The following NELL1 variants were observed in gnomAD, a reference collection of about 807,000 sequenced individuals.
The protein encoded by NELL1 is neural EGFL like 1.
NELL1 carries 76 observed loss-of-function variants against 107.4 expected under a neutral mutation model. The observed-to-expected ratio is 0.71, with a 90% CI of 0.59 to 0.86. The LOEUF is 0.86. Ranked by LOEUF, NELL1 falls within the 40% of genes least tolerant of loss-of-function variation. The pLI is 0.00. For synonymous variants in NELL1, 353 were observed against 341.2 expected (o/e 1.03, Z -0.38); for missense variants, 1,024 against 1,005.5 (o/e 1.02, Z -0.25).
At chr11:20,997,620 C>T (rs1000900383) in intron 12 of NELL1, among the ~76,000 whole-genome samples, 3 of 152,166 alleles carry the variant, frequency 2.0e-5, no homozygotes, top group Admixed American at 6.6e-5. Flanking sequence ...TAGAGGTATT[C>T]AGGAGCTGTC....
intron 15 of NELL1, among the ~76,000 whole-genome samples, chr11:21,457,314 C>T (rs1270012491): frequency 6.6e-6 from 1 of 152,076 alleles, no homozygotes. Flanking sequence ...GGTTTCTGTG[C>T]TTTGTAATCT....
intron 17 of NELL1, among the ~76,000 whole-genome samples, chr11:21,566,986 C>T (rs1207872985): frequency 6.6e-6 from 1 of 151,728 alleles, no homozygotes; most frequent in Non-Finnish European, 1.5e-5. Flanking sequence ...GGAGGCTATC[C>T]ATTTATTCTT....
At chr11:20,984,374 T>A (rs1851809216) in intron 12 of NELL1, among the ~76,000 whole-genome samples, 1 of 152,204 alleles carries the variant, frequency 6.6e-6, no homozygotes, top group South Asian at 2.1e-4. Flanking sequence ...AATTGCTACC[T>A]GACTTTGAGT....
intron 15 of NELL1, among the ~76,000 whole-genome samples, chr11:21,397,175 C>T (rs1205575107): frequency 6.6e-6 from 1 of 151,508 alleles, no homozygotes; most frequent in African/African-American, 2.4e-5. Flanking sequence ...CACGAGGAAT[C>T]ATATAGCTGT....
intron 16 of NELL1, among the ~76,000 whole-genome samples, chr11:21,548,515 C>T (rs767013109): frequency 7.9e-5 from 12 of 151,832 alleles, no homozygotes; most frequent in East Asian, 2.0e-4. Flanking sequence ...GAAGTGAAAG[C>T]GGAAACCCCT....
chr11:21,381,904 A>ATTTTTTTTTTTTTT (rs149327802), intron 15 of NELL1, among the ~76,000 whole-genome samples: 6 of 91,374 alleles, frequency 6.6e-5, no homozygotes, highest in Admixed American at 1.3e-4. Flanking sequence ...CCTGGAAGGG[A>ATTTTTTTTTTTTTT]TTTTTTTTTT....
chr11:21,350,532 A>G (rs1850785353), intron 14 of NELL1, among the ~76,000 whole-genome samples: 1 of 152,232 alleles, frequency 6.6e-6, no homozygotes, highest in Admixed American at 6.5e-5. Context: ...GCATTTATAA[A>G]AGGCCAACAT....
chr11:21,572,846 A>T (rs980302164), intron 18 of NELL1, among the ~76,000 whole-genome samples: 2 of 151,894 alleles, frequency 1.3e-5, no homozygotes, highest in Non-Finnish European at 2.9e-5. Context: ...GATGGAGAGA[A>T]AGTAACAAGC....
chr11:20,748,911 C>CCCAG (rs373792895), intron 2 of NELL1, among the ~76,000 whole-genome samples: 3,736 of 143,944 alleles, frequency 0.026, 180 homozygotes, highest in African/African-American at 0.091. Flanking sequence ...CACCCAGCCA[C>CCCAG]CCATCCATCC....
At chr11:20,842,770 G>T (rs1848642959) in intron 3 of NELL1, among the ~76,000 whole-genome samples, 1 of 152,204 alleles carries the variant, frequency 6.6e-6, no homozygotes, top group Non-Finnish European at 1.5e-5. Flanking sequence ...AATATTTGCA[G>T]ACTAGTGCCT....
intron 15 of NELL1, among the ~76,000 whole-genome samples, chr11:21,497,488 T>A (rs1464497966): frequency 6.6e-6 from 1 of 152,138 alleles, no homozygotes; most frequent in East Asian, 1.9e-4. Flanking sequence ...CTTTCTTAAT[T>A]TCAGGTGAAT....
At chr11:20,960,924 G>C (rs1851277186) in intron 12 of NELL1, among the ~76,000 whole-genome samples, 1 of 152,134 alleles carries the variant, frequency 6.6e-6, no homozygotes, top group African/African-American at 2.4e-5. Context: ...AATGTACAGG[G>C]TGGTTTCTGT....
At chr11:21,341,624 G>A (rs1310166724) in intron 14 of NELL1, among the ~76,000 whole-genome samples, 2 of 152,168 alleles carry the variant, frequency 1.3e-5, no homozygotes, top group African/African-American at 4.8e-5. Flanking sequence ...ATGGCCAGTA[G>A]CTGAAACTGT....
chr11:21,281,562 G>T lies in NELL1; in HGVS notation c.1549+52108G>T, dbSNP rs141868287. The stretch of plus-strand genomic sequence containing the variant: ...GACCCAGGGCCTTGAGTGAACTTAG[G>T]GGGTAGCCAGTTAGTGGTTACAGCA... On this transcript the variant is annotated intron_variant, in intron 14 of 19. Transcript: ENST00000357134. 9.6e-3 allele frequency among the ~76,000 whole-genome samples: 1,453 copies of T among 151,818 alleles called. 17 individuals are homozygous for T. The highest frequency in any genetic ancestry group is 0.014 in the Non-Finnish European group (946 of 67,994).
chr11:21,235,671 G>A (rs867674360), intron 14 of NELL1, among the ~76,000 whole-genome samples: 61 of 152,100 alleles, frequency 4.0e-4, no homozygotes, highest in African/African-American at 1.4e-3. Flanking sequence ...GTAAAGACAA[G>A]ATTGATGTGA....
At chr11:20,748,779 G>A (rs1364166841) in intron 2 of NELL1, among the ~76,000 whole-genome samples, 5 of 151,876 alleles carry the variant, frequency 3.3e-5, no homozygotes, top group African/African-American at 7.3e-5. Flanking sequence ...TAGTATATGC[G>A]TGTATATATA....
Position 21,347,211 on chromosome 11 carries a change from G to C in NELL1, c.1550-23642G>C, listed in dbSNP as rs1407679995. ...GGAGAAGAGAATGAAGTGATGCTAT[G>C]AGCTATGTGAACAACTTGGAGGTGA... On this transcript the variant is annotated intron_variant, in intron 14 of 19. Transcript: ENST00000357134. Among the ~76,000 whole-genome samples, 3 of 152,266 alleles carry C rather than the reference G, an allele frequency of 2.0e-5. No homozygotes were observed. The East Asian group carries it at 5.8e-4, about 29-fold the overall frequency.
intron 15 of NELL1, among the ~76,000 whole-genome samples, chr11:21,443,357 A>G (rs1021004729): frequency 1.3e-5 from 2 of 152,152 alleles, no homozygotes; most frequent in African/African-American, 4.8e-5. Context: ...CATGAACTTT[A>G]GGTGGATTTA....
At chr11:20,878,305 G>A (rs1414530860) in intron 4 of NELL1, among the ~76,000 whole-genome samples, 2 of 135,312 alleles carry the variant, frequency 1.5e-5, no homozygotes, top group African/African-American at 5.3e-5. Flanking sequence ...CTTGCAGTGA[G>A]CCGAGATCGC....
Sources: allele counts gnomAD v4.1 joint callset (sites outside exome capture counted in the v4.1 genomes callset), GRCh38; gene constraint gnomAD v4.1.1; transcripts MANE v1.5; gene names NCBI Gene and HGNC (gene_info 2026-07-23, HGNC 2026-07-21).